Variants in RIT2 observed in about 807,000 individuals in gnomAD.
RIT2 encodes the protein GTP-binding protein Rit2.
In RIT2, 24 loss-of-function variants were observed where a neutral mutation model predicts 23.7. The ratio of observed to expected loss-of-function variants is 1.01; its 90% CI spans 0.73 to 1.43. The LOEUF (loss-of-function observed/expected upper bound fraction) is 1.43. Among genes scored for constraint, RIT2 ranks in the 40% most tolerant of loss-of-function variants. RIT2 has a pLI of 0.00. For synonymous variants in RIT2, 107 were observed against 91.1 expected, an observed-to-expected ratio of 1.17 and a Z score of -0.99; for missense variants, 236 against 266.9, an observed-to-expected ratio of 0.88 and a Z score of 0.81.
intron 1 of RIT2, among the ~76,000 whole-genome samples, chr18:43,094,546 A>G (rs911367374): frequency 3.3e-5 from 5 of 152,014 alleles, no homozygotes; most frequent in Non-Finnish European, 4.4e-5. Context: ...TCACGGGAAA[A>G]TGTATTCAGG....
At chr18:42,764,046 T>G (rs1005804746) in intron 4 of RIT2, among the ~76,000 whole-genome samples, 10 of 152,216 alleles carry the variant, frequency 6.6e-5, no homozygotes, top group African/African-American at 2.2e-4. Flanking sequence ...TTTCTGGGTA[T>G]AAGGTGAGTG....
intron 3 of RIT2, among the ~76,000 whole-genome samples, chr18:42,966,099 C>T (rs1910217726): frequency 6.6e-6 from 1 of 152,040 alleles, no homozygotes. Flanking sequence ...CCTGAAGCTC[C>T]TTCTAATTTT....
At chr18:43,104,005 G>A (rs927608020) in intron 1 of RIT2, among the ~76,000 whole-genome samples, 10 of 152,076 alleles carry the variant, frequency 6.6e-5, no homozygotes, top group African/African-American at 1.9e-4. Flanking sequence ...GCACCACTAC[G>A]CACAGTAACT....
chr18:42,857,881 G>A (rs1907227486), intron 4 of RIT2, among the ~76,000 whole-genome samples: 1 of 152,142 alleles, frequency 6.6e-6, no homozygotes, highest in African/African-American at 2.4e-5. Context: ...GACCAAAGGT[G>A]ATTTAATAAC....
intron 2 of RIT2, among the ~76,000 whole-genome samples, chr18:43,018,091 G>C (rs572068456): frequency 6.6e-6 from 1 of 152,020 alleles, no homozygotes; most frequent in Non-Finnish European, 1.5e-5. Flanking sequence ...TGGGCTCAAG[G>C]TCAAACAGCT....
In RIT2 at chr18:42,909,785, TA is replaced by T. The variant is rs1244390074; in HGVS notation, c.426+13786del. On this transcript the variant is annotated intron_variant, in intron 4 of 4. Coordinates refer to ENST00000326695, the MANE Select transcript of RIT2 (RefSeq NM_002930.4). ...AGAATAGCTGAAGGAAACGCTAAAC[TA>T]AAAAAAAAAATTATAAAAGATGATG... Among the ~76,000 whole-genome samples, 1,039 of 146,296 alleles carry T rather than the reference TA, an allele frequency of 7.1e-3. 7 individuals carry two copies. Among genetic ancestry groups the T allele is most frequent in the African/African-American group, 0.023 (928 of 40,312 alleles).
intron 3 of RIT2, among the ~76,000 whole-genome samples, chr18:42,973,243 T>G (rs2144203056): frequency 6.6e-6 from 1 of 151,918 alleles, no homozygotes; most frequent in African/African-American, 2.4e-5. Context: ...GAGATTTATT[T>G]ATTTTGATAT....
At position 42,890,029 on chromosome 18, in the gene RIT2, C is replaced by T. The variant is rs573622369; in HGVS notation, c.426+33543G>A. On this transcript the variant is annotated intron_variant, in intron 4 of 4. Coordinates refer to ENST00000326695, the MANE Select transcript of RIT2 (RefSeq NM_002930.4). Reference sequence around the variant, plus strand: ...CTCTGAGTGACTAAATATATTTATACGTTTAGGCAGTATTGTATGATGCAT... The same window carrying T: ...CTCTGAGTGACTAAATATATTTATATGTTTAGGCAGTATTGTATGATGCAT... Among the ~76,000 whole-genome samples the T allele has an allele frequency of 3.9e-5, 6 of 151,944 alleles. No homozygotes were observed. The East Asian group carries it at 7.7e-4, about 20-fold the overall frequency.
At chr18:42,852,811 CCCTT>C (rs1286024050) in intron 4 of RIT2, among the ~76,000 whole-genome samples, 3 of 130,534 alleles carry the variant, frequency 2.3e-5, no homozygotes, top group East Asian at 2.3e-4. Context: ...CTCCCTCCCT[CCCTT>C]CCTTCCTTCC....
intron 1 of RIT2, among the ~76,000 whole-genome samples, chr18:43,068,102 A>G (rs949145272): frequency 1.3e-5 from 2 of 152,328 alleles, no homozygotes; most frequent in South Asian, 2.1e-4. Context: ...GTAAGATTCA[A>G]CAACTTAGTA....
intron 4 of RIT2, among the ~76,000 whole-genome samples, chr18:42,813,819 C>T (rs1162206588): frequency 6.6e-6 from 1 of 152,136 alleles, no homozygotes; most frequent in Admixed American, 6.5e-5. Context: ...AGTCAGGAAA[C>T]CCAAGAGGAC....
At chr18:43,048,178 T>A (rs1229202289) in intron 1 of RIT2, among the ~76,000 whole-genome samples, 1 of 152,200 alleles carries the variant, frequency 6.6e-6, no homozygotes, top group Admixed American at 6.5e-5. Context: ...TATATGGTTG[T>A]ATTATATGGG....
chr18:42,878,534 A>C (rs1268248800), intron 4 of RIT2, among the ~76,000 whole-genome samples: 2 of 150,578 alleles, frequency 1.3e-5, no homozygotes, highest in African/African-American at 4.9e-5. Context: ...GGATCCATGC[A>C]TTTCAAACCC....
At chr18:43,070,449 T>C (rs1912872317) in intron 1 of RIT2, among the ~76,000 whole-genome samples, 3 of 152,232 alleles carry the variant, frequency 2.0e-5, no homozygotes, top group African/African-American at 4.8e-5. Flanking sequence ...TGATTTCGAT[T>C]CAGCTCAATA....
chr18:42,858,482 T>C (rs1193101482), intron 4 of RIT2, among the ~76,000 whole-genome samples: 1 of 152,164 alleles, frequency 6.6e-6, no homozygotes, highest in Non-Finnish European at 1.5e-5. Context: ...GCAGCGTTAA[T>C]GCCACAAAGG....
intron 1 of RIT2, among the ~76,000 whole-genome samples, chr18:43,066,791 C>G (rs1480154833): frequency 6.7e-6 from 1 of 150,080 alleles, no homozygotes; most frequent in Non-Finnish European, 1.5e-5. Context: ...TTTGGACATG[C>G]AATTAGAAAT....
intron 4 of RIT2, among the ~76,000 whole-genome samples, chr18:42,773,516 C>G (rs1337912210): frequency 1.3e-5 from 2 of 152,144 alleles, no homozygotes; most frequent in Non-Finnish European, 2.9e-5. Context: ...GACCAGATGA[C>G]TGAAATATGC....
intron 3 of RIT2, among the ~76,000 whole-genome samples, chr18:42,963,294 TA>T (rs749039755): frequency 5.9e-5 from 9 of 152,212 alleles, no homozygotes; most frequent in Non-Finnish European, 1.2e-4. Flanking sequence ...TGAAAATAGT[TA>T]CTTAATTAAG....
Position 42,743,292 on chromosome 18 carries a change from G to A in RIT2, c.*201C>T. 1.7e-6 allele frequency: 1 copy of A among 586,374 alleles called. No homozygotes were observed. The allele number at this position is 586,374 out of a possible 1,614,324, so 36.3% of individuals were successfully genotyped here. A position where few individuals can be genotyped will look rare whatever the true frequency, so the allele number is the denominator to read the frequency against. On this transcript the variant is annotated 3_prime_UTR_variant, in exon 5 of 5. Coordinates refer to ENST00000326695, the MANE Select transcript of RIT2 (RefSeq NM_002930.4). ...TAAAAACTAAACAGCATATCCAGCT[G>A]ATTGACAAAATCCATCCAACTGTTA...
Sources: gnomAD v4.1 joint callset for allele counts (sites outside exome capture counted in the v4.1 genomes callset) on GRCh38, gnomAD v4.1.1 for gene constraint, MANE v1.5 for transcripts, NCBI Gene and HGNC (gene_info 2026-07-23, HGNC 2026-07-21) for gene names.